The following MTBP variants were observed in gnomAD, a reference collection of about 807,000 sequenced individuals.
MTBP encodes the protein MDM2 binding protein.
Under a neutral mutation model 117.0 loss-of-function variants are expected in MTBP, and 101 were observed. The ratio of observed to expected loss-of-function variants is 0.86; its 90% confidence interval spans 0.73 to 1.02. The LOEUF is 1.02. Ranked by LOEUF, MTBP falls within the 50% of genes least tolerant of loss-of-function variation. MTBP has a pLI of 0.00. For missense variants in MTBP, 970 were observed against 1,030.9 expected (o/e 0.94, Z 0.81); for synonymous variants, 350 against 351.5 (o/e 1.00, Z 0.05).
intron 17 of MTBP, among the ~76,000 whole-genome samples, chr8:120,513,648 C>T (rs1814860179): frequency 6.6e-6 from 1 of 151,938 alleles, no homozygotes; most frequent in South Asian, 2.1e-4. Flanking sequence ...AGAAAAAAAT[C>T]TGCATCTTAG....
Position 120,489,044 on chromosome 8 carries a change from C to CTTTTTTTTTTTTTT in MTBP, c.1339+725_1339+726insTTTTTTTTTTTTTT, listed in dbSNP as rs71306887. Among the ~76,000 whole-genome samples the CTTTTTTTTTTTTTT allele has an allele frequency of 4.3e-4, 55 of 128,054 alleles. 1 individual carries two copies. The highest frequency in any genetic ancestry group is 9.7e-4 in the East Asian group (4 of 4,124). The allele number at this position is 128,054 out of a possible 152,430, so 84.0% of individuals were successfully genotyped here. On this transcript the variant is annotated intron_variant, in intron 12 of 21. Transcript: ENST00000305949. ...TCATGGTGTTAGGGCAGACTGACTT[C>CTTTTTTTTTTTTTT]TTTTTTTTTTTTTGAGACAGAGTCT... is the stretch of plus-strand genomic sequence containing the variant.
At chr8:120,510,460 A>G (rs1391090712) in intron 17 of MTBP, among the ~76,000 whole-genome samples, 1 of 152,198 alleles carries the variant, frequency 6.6e-6, no homozygotes, top group Non-Finnish European at 1.5e-5. Flanking sequence ...AATATCCTCA[A>G]ACTGGAAAGA....
chr8:120,495,697 A>G (rs978059412), intron 13 of MTBP, among the ~76,000 whole-genome samples: 2 of 151,818 alleles, frequency 1.3e-5, no homozygotes, highest in South Asian at 2.1e-4. Flanking sequence ...CAGCTCTTCT[A>G]TGGAATTTTT....
intron 17 of MTBP, among the ~76,000 whole-genome samples, chr8:120,515,106 T>C (rs1444958936): frequency 2.0e-5 from 3 of 152,038 alleles, no homozygotes; most frequent in Non-Finnish European, 4.4e-5. Context: ...TTAGGCAGTA[T>C]CTTAGAATTT....
At chr8:120,522,553 G>T in intron 20 of MTBP, 101 bp from the exon 21 acceptor site, 1 of 787,620 alleles carries the variant, frequency 1.3e-6, no homozygotes, top group Non-Finnish European at 2.0e-6. Context: ...ATTAATACGT[G>T]TAGAATGATT....
At chr8:120,501,080 A>G (rs1049888017) in intron 14 of MTBP, among the ~76,000 whole-genome samples, 10 of 151,036 alleles carry the variant, frequency 6.6e-5, no homozygotes, top group African/African-American at 2.4e-4. Context: ...AGTCCCAGCT[A>G]CTCTGGAGGC....
intron 11 of MTBP, among the ~76,000 whole-genome samples, chr8:120,487,273 A>G (rs1814241083): frequency 6.6e-6 from 1 of 152,186 alleles, no homozygotes; most frequent in African/African-American, 2.4e-5. Context: ...TGGGGTCACC[A>G]TTCCAGAGCC....
intron 15 of MTBP, among the ~76,000 whole-genome samples, chr8:120,506,315 T>G (rs747705153): frequency 1.8e-4 from 28 of 152,086 alleles, no homozygotes; most frequent in Non-Finnish European, 3.7e-4. Flanking sequence ...CCTCAAAAAT[T>G]TATAGTATTG....
rs1813229211 is a variant in MTBP at position 120,446,455 on chromosome 8, T to C, written c.141T>C (p.Tyr47=). Residue 47 remains tyrosine, a synonymous_variant, in exon 2 of 22, where the codon TAT becomes TAC. Transcript: ENST00000305949. ...CAGACTTCACAGCAGCAAATGTTTATCACCTCTTGAAAAGAAGCATTAGTG... is the reference window on the plus strand; with the variant it reads ...CAGACTTCACAGCAGCAAATGTTTACCACCTCTTGAAAAGAAGCATTAGTG... ...NQPDFTAANV[Y]HLLKRSISAS... The C allele has an allele frequency of 1.2e-6, 2 of 1,609,456 alleles. No homozygotes were observed. Among genetic ancestry groups the C allele is most frequent in the African/African-American group, 1.3e-5 (1 of 74,808 alleles).
In MTBP at chr8:120,458,624, G is replaced by A. The variant is rs556616336; in HGVS notation, c.748-591G>A. On this transcript the variant is annotated intron_variant, in intron 7 of 21. Transcript: ENST00000305949. ...GGAGGCTGAGGCAGGTGGATCACCC[G>A]AGGTCAGGAGTTCAAGACCAGCCTG... is the stretch of plus-strand genomic sequence containing the variant. 6.2e-4 allele frequency among the ~76,000 whole-genome samples: 95 copies of A among 152,116 alleles called. 1 individual carries two copies. Among genetic ancestry groups the A allele is most frequent in the African/African-American group, 2.1e-3 (86 of 41,470 alleles).
intron 8 of MTBP, 29 bp downstream of exon 8, chr8:120,459,378 C>T (rs760500238): frequency 1.1e-5 from 17 of 1,578,374 alleles, no homozygotes; most frequent in Non-Finnish European, 1.5e-5. Context: ...TTTGTGTGAT[C>T]ATTCATGTGT....
intron 20 of MTBP, among the ~76,000 whole-genome samples, chr8:120,519,698 G>C (rs1277046462): frequency 1.3e-5 from 2 of 152,096 alleles, no homozygotes; most frequent in Non-Finnish European, 2.9e-5. Context: ...CAATTTAATT[G>C]GGTGCCTAGT....
intron 10 of MTBP, among the ~76,000 whole-genome samples, chr8:120,468,718 C>T (rs1205230681): frequency 6.6e-6 from 1 of 152,072 alleles, no homozygotes; most frequent in South Asian, 2.1e-4. Flanking sequence ...TTTGGTGCAT[C>T]TCATCGATTT....
chr8:120,451,065 G>T lies in MTBP; in HGVS notation c.262G>T (p.Gly88Ter). Residue 88 changes from glycine (G) to a stop codon, truncating the protein, a stop_gained, in exon 3 of 22, where the codon GGA (glycine) becomes TGA (stop). Transcript: ENST00000305949. LOFTEE classifies it high-confidence loss of function. ...KWFFAVQAIY[G>*]FYQFCSSDWQ... is the part of the protein sequence containing the mutation. ...GTTCTTTGCAGTGCAGGCAATATAT[G>T]GATTTTATCAGGTAATATAAATTTA... 1 of 1,610,688 alleles carries T rather than the reference G, an allele frequency of 6.2e-7. No individual in the cohort carries two copies. Among genetic ancestry groups the T allele is most frequent in the Non-Finnish European group, 8.5e-7 (1 of 1,178,200 alleles).
chr8:120,459,227 A>G lies in MTBP; in HGVS notation c.760A>G (p.Ile254Val), dbSNP rs778207905. ...QIWERKFGFE[I>V]SFPEFCLKGV... ...GGTCTCTTTTCAGTTTGGATTTGAA[A>G]TTAGTTTTCCTGAATTTTGTTTAAA... Residue 254 changes from isoleucine (I) to valine (V), a missense_variant, in exon 8 of 22, where the codon ATT (isoleucine) becomes GTT (valine). Transcript: ENST00000305949. The G allele has an allele frequency of 5.0e-6, 8 of 1,608,860 alleles. No individual in the cohort carries two copies. In the Admixed American group the frequency reaches 1.3e-4, roughly 27 times the overall value.
At chr8:120,483,628 T>A (rs1814144913) in intron 11 of MTBP, among the ~76,000 whole-genome samples, 1 of 152,154 alleles carries the variant, frequency 6.6e-6, no homozygotes, top group Admixed American at 6.5e-5. Context: ...TATAAGAATT[T>A]TTTTTGCTAA....
In MTBP at chr8:120,456,638, T is replaced by G; in HGVS notation, c.715T>G (p.Trp239Gly). ...AAATGTTATTGACTCAAAGGAATTA[T>G]GGAGGGGGAAAATACAGATATGGGA... ...LRNVIDSKEL[W>G]RGKIQIWERK... The change falls in exon 7 of 22, where the codon TGG (tryptophan) becomes GGG (glycine). Residue 239 changes from tryptophan to glycine, a missense_variant. Coordinates refer to ENST00000305949, the MANE Select transcript of MTBP (RefSeq NM_022045.5). The G allele has an allele frequency of 6.3e-7, 1 of 1,595,956 alleles. No individual in the cohort carries two copies. The highest frequency in any genetic ancestry group is 2.3e-5 in the East Asian group (1 of 44,284).
In MTBP at chr8:120,493,007, T is replaced by A. The variant is rs534749202; in HGVS notation, c.1447+2437T>A. Reference sequence around the variant, plus strand: ...ACTGTTCAGTATGATGCAAGATAAGTATGAAAACAGCAGTATTATCATTTT... The same window carrying A: ...ACTGTTCAGTATGATGCAAGATAAGAATGAAAACAGCAGTATTATCATTTT... On this transcript the variant is annotated intron_variant, in intron 13 of 21. Coordinates refer to ENST00000305949, the MANE Select transcript of MTBP (RefSeq NM_022045.5). Among the ~76,000 whole-genome samples the A allele has an allele frequency of 2.0e-5, 3 of 152,304 alleles. No homozygotes were observed. In the East Asian group the frequency reaches 5.8e-4, roughly 29 times the overall value.
chr8:120,480,540 T>G (rs1427058107), intron 11 of MTBP, among the ~76,000 whole-genome samples: 1 of 152,208 alleles, frequency 6.6e-6, no homozygotes, highest in African/African-American at 2.4e-5. Context: ...ATCTCATGAC[T>G]TATTATAAAG....
Sources: gnomAD v4.1 joint callset for allele counts (sites outside exome capture counted in the v4.1 genomes callset) on GRCh38, gnomAD v4.1.1 for gene constraint, MANE v1.5 for transcripts, NCBI Gene and HGNC (gene_info 2026-07-23, HGNC 2026-07-21) for gene names.